Variants in PTPN2 observed in about 807,000 individuals in gnomAD.
PTPN2 encodes the protein tyrosine-protein phosphatase non-receptor type 2.
Under a neutral mutation model 57.3 loss-of-function variants are expected in PTPN2, and 19 were observed. The ratio of observed to expected loss-of-function variants is 0.33; its 90% confidence interval spans 0.23 to 0.49. The LOEUF (loss-of-function observed/expected upper bound fraction) is 0.49. PTPN2 is among the 20% of genes least tolerant of loss of function. The pLI is 0.99. For synonymous variants in PTPN2, 153 were observed against 164.9 expected, an observed-to-expected ratio of 0.93 and a Z score of 0.55; for missense variants, 358 against 501.1, an observed-to-expected ratio of 0.71 and a Z score of 2.73.
chr18:12,806,733 A>G (rs1199867269), intron 7 of PTPN2, among the ~76,000 whole-genome samples: 9 of 152,148 alleles, frequency 5.9e-5, no homozygotes. Flanking sequence ...GGAACACTGG[A>G]TATCTAGATG....
intron 2 of PTPN2, among the ~76,000 whole-genome samples, chr18:12,853,203 G>A (rs564299621): frequency 6.6e-6 from 1 of 152,300 alleles, no homozygotes; most frequent in East Asian, 1.9e-4. Context: ...AAGCTGGAGT[G>A]CACTGGTGCC....
At chr18:12,850,919 T>C (rs2043372871) in intron 2 of PTPN2, among the ~76,000 whole-genome samples, 1 of 152,148 alleles carries the variant, frequency 6.6e-6, no homozygotes, top group Non-Finnish European at 1.5e-5. Flanking sequence ...TTTGTATTTT[T>C]AGTAGAGACG....
chr18:12,874,927 T>A (rs2044435501), intron 1 of PTPN2, among the ~76,000 whole-genome samples: 1 of 152,146 alleles, frequency 6.6e-6, no homozygotes, highest in African/African-American at 2.4e-5. Context: ...TGGAAAGAAG[T>A]AGACATGGGA....
At chr18:12,849,247 T>C (rs985561878) in intron 2 of PTPN2, among the ~76,000 whole-genome samples, 2 of 152,190 alleles carry the variant, frequency 1.3e-5, no homozygotes, top group African/African-American at 4.8e-5. Flanking sequence ...CTTTCTCCTT[T>C]GTTACTGTGG....
At chr18:12,823,860 T>C (rs539859274) in intron 5 of PTPN2, among the ~76,000 whole-genome samples, 77 of 152,340 alleles carry the variant, frequency 5.1e-4, no homozygotes, top group African/African-American at 1.8e-3. Flanking sequence ...GATATATATG[T>C]GAAAGCATTT....
intron 1 of PTPN2, chr18:12,883,869 G>GCT (rs1288617832): frequency 2.3e-6 from 1 of 433,790 alleles, no homozygotes; most frequent in African/African-American, 3.5e-5. Flanking sequence ...GCTCAAGTAT[G>GCT]CTTTTTTTTT....
chr18:12,857,249 G>A (rs571681293), intron 2 of PTPN2, among the ~76,000 whole-genome samples: 1 of 152,222 alleles, frequency 6.6e-6, no homozygotes, highest in East Asian at 1.9e-4. Flanking sequence ...AAGTGACCCT[G>A]TGATGGGAAT....
intron 7 of PTPN2, among the ~76,000 whole-genome samples, chr18:12,813,463 T>G (rs1023606534): frequency 6.6e-6 from 1 of 152,190 alleles, no homozygotes; most frequent in Non-Finnish European, 1.5e-5. Flanking sequence ...TAAATAAACC[T>G]TTATTCTGAC....
At chr18:12,808,453 C>T (rs1391384127) in intron 7 of PTPN2, among the ~76,000 whole-genome samples, 1 of 149,796 alleles carries the variant, frequency 6.7e-6, no homozygotes, top group Non-Finnish European at 1.5e-5. Context: ...TCACACTGAA[C>T]CCCATAAATA....
At chr18:12,803,973 T>G (rs1598745345) in intron 7 of PTPN2, among the ~76,000 whole-genome samples, 1 of 152,052 alleles carries the variant, frequency 6.6e-6, no homozygotes, top group Non-Finnish European at 1.5e-5. Flanking sequence ...GACCATATGT[T>G]AGGCCACAAA....
chr18:12,810,340 G>T (rs529196292), intron 7 of PTPN2, among the ~76,000 whole-genome samples: 2 of 152,254 alleles, frequency 1.3e-5, no homozygotes, highest in Non-Finnish European at 2.9e-5. Flanking sequence ...ATCCAGCCTG[G>T]GCAACAACAG....
chr18:12,855,329 A>G (rs2145460144), intron 2 of PTPN2, among the ~76,000 whole-genome samples: 1 of 152,180 alleles, frequency 6.6e-6, no homozygotes, highest in Admixed American at 6.5e-5. Flanking sequence ...AAGAGAGCGA[A>G]CCATATTTAT....
Position 12,793,603 on chromosome 18 carries a change from TAG to T in PTPN2, c.*673_*674del, listed in dbSNP as rs1326550332. On this transcript the variant is annotated 3_prime_UTR_variant, in exon 9 of 9. Transcript: ENST00000309660. ...TAAAACATAAAAGAAATGCAATATA[TAG>T]TAGAAATTGCTTATTCCAACTTCTA... 2 of 976,806 alleles carry T rather than the reference TAG, an allele frequency of 2.0e-6. No individual in the cohort carries two copies. The highest frequency in any genetic ancestry group is 5.2e-4 in the Middle Eastern group (1 of 1,918). The allele number at this position is 976,806 out of a possible 1,614,324, so 60.5% of individuals were successfully genotyped here. A position where few individuals can be genotyped will look rare whatever the true frequency, so the allele number is the denominator to read the frequency against.
At chr18:12,814,119 G>T in intron 7 of PTPN2, 84 bp downstream of exon 7, 2 of 1,101,706 alleles carry the variant, frequency 1.8e-6, no homozygotes, top group Non-Finnish European at 2.6e-6. Flanking sequence ...TTGAAACAAA[G>T]ACAAGGGCTC....
chr18:12,809,194 GA>G (rs2041805554), intron 7 of PTPN2, among the ~76,000 whole-genome samples: 1 of 152,162 alleles, frequency 6.6e-6, no homozygotes, highest in African/African-American at 2.4e-5. Flanking sequence ...CCAAGATGAA[GA>G]CAAATTTCAG....
At chr18:12,804,289 C>CCA (rs374026017) in intron 7 of PTPN2, among the ~76,000 whole-genome samples, 30 of 67,868 alleles carry the variant, frequency 4.4e-4, no homozygotes, top group African/African-American at 1.9e-3. Context: ...GAAACTGTCT[C>CCA]AAAAAAAAAA....
At chr18:12,846,173 A>G (rs1379294094) in intron 2 of PTPN2, among the ~76,000 whole-genome samples, 1 of 152,180 alleles carries the variant, frequency 6.6e-6, no homozygotes, top group Non-Finnish European at 1.5e-5. Flanking sequence ...CTGACATGGT[A>G]TATCTCATGA....
intron 1 of PTPN2, among the ~76,000 whole-genome samples, chr18:12,877,454 G>C (rs2044527171): frequency 6.6e-6 from 1 of 152,236 alleles, no homozygotes; most frequent in Non-Finnish European, 1.5e-5. Flanking sequence ...CAAGGTGTGA[G>C]AGAGTAGCCA....
chr18:12,824,270 A>G (rs1031479418), intron 5 of PTPN2, among the ~76,000 whole-genome samples: 2 of 152,184 alleles, frequency 1.3e-5, no homozygotes, highest in African/African-American at 4.8e-5. Context: ...GACTCAAGAG[A>G]CTGTATAATA....
Sources: allele counts gnomAD v4.1 joint callset (sites outside exome capture counted in the v4.1 genomes callset), GRCh38; gene constraint gnomAD v4.1.1; transcripts MANE v1.5; gene names NCBI Gene and HGNC (gene_info 2026-07-23, HGNC 2026-07-21).